Variants in ASCC3 observed in about 807,000 individuals in gnomAD.
ASCC3 encodes the protein activating signal cointegrator 1 complex subunit 3, also known as ASC-1 complex subunit P200.
In ASCC3, 158 loss-of-function variants were observed where a neutral mutation model predicts 256.3. The observed-to-expected ratio is 0.62, with a 90% CI of 0.54 to 0.70. ASCC3 has a LOEUF of 0.70. Ranked by LOEUF, ASCC3 falls within the 30% of genes least tolerant of loss-of-function variation. The pLI is 0.00. For synonymous variants in ASCC3, 948 were observed against 883.4 expected, an observed-to-expected ratio of 1.07 and a Z score of -1.30; for missense variants, 2,259 against 2,626.0, an observed-to-expected ratio of 0.86 and a Z score of 3.05.
At position 100,642,869 on chromosome 6, in the gene ASCC3, T is replaced by C; in HGVS notation, c.3733-120A>G. The C allele has an allele frequency of 3.0e-6, 3 of 991,654 alleles. No individual in the cohort carries two copies. The Admixed American group carries it at 6.8e-5, about 22-fold the overall frequency. 61.4% of individuals were successfully genotyped at this position (991,654 alleles called of 1,614,324 possible). A position where few individuals can be genotyped will look rare whatever the true frequency, so the allele number is the denominator to read the frequency against. ...ATACTAAAGACAAAGTATCTTGAATTTGTAAATAGCTGAGATATTCGGAAA... is the reference window on the plus strand; with the variant it reads ...ATACTAAAGACAAAGTATCTTGAATCTGTAAATAGCTGAGATATTCGGAAA... On this transcript the variant is annotated intron_variant, in intron 23 of 41. Transcript: ENST00000369162.
chr6:100,698,206 CAAGT>C (rs1332504427), intron 13 of ASCC3, among the ~76,000 whole-genome samples: 1 of 151,976 alleles, frequency 6.6e-6, no homozygotes, highest in Non-Finnish European at 1.5e-5. Context: ...TCACTTGTTA[CAAGT>C]ATGTATTAGT....
At chr6:100,824,630 C>A (rs1246420448) in intron 4 of ASCC3, among the ~76,000 whole-genome samples, 1 of 152,078 alleles carries the variant, frequency 6.6e-6, no homozygotes, top group Non-Finnish European at 1.5e-5. Context: ...TTGTTCATCG[C>A]TCTCCCCTGT....
At chr6:100,835,316 A>G (rs1254145939) in intron 4 of ASCC3, among the ~76,000 whole-genome samples, 2 of 151,952 alleles carry the variant, frequency 1.3e-5, no homozygotes, top group Admixed American at 1.3e-4. Flanking sequence ...TTTATTGCTT[A>G]TGATTTGGGG....
chr6:100,586,289 G>T (rs568242134), intron 36 of ASCC3, among the ~76,000 whole-genome samples: 1 of 152,162 alleles, frequency 6.6e-6, no homozygotes, highest in East Asian at 1.9e-4. Flanking sequence ...GGGCAATGGC[G>T]GGTGACCCTT....
At chr6:100,840,488 C>CTTTTT (rs67554743) in intron 4 of ASCC3, among the ~76,000 whole-genome samples, 10 of 109,240 alleles carry the variant, frequency 9.2e-5, no homozygotes, top group African/African-American at 3.6e-4. Flanking sequence ...CCACGCCAGG[C>CTTTTT]TTTTTTTTTT....
chr6:100,628,091 C>CA (rs80131727), intron 27 of ASCC3, 104 bp from the exon 28 acceptor site: 47,844 of 765,116 alleles, frequency 0.063, 24 homozygotes, highest in East Asian at 0.07. Flanking sequence ...AAAACAAAAA[C>CA]AAAAAAAAAA....
intron 36 of ASCC3, among the ~76,000 whole-genome samples, chr6:100,586,794 A>C (rs1166129026): frequency 6.6e-6 from 1 of 152,184 alleles, no homozygotes; most frequent in African/African-American, 2.4e-5. Flanking sequence ...TAATACCCCC[A>C]AATCCTGAAA....
At chr6:100,568,768 ATTATTAT>A (rs370927688) in intron 36 of ASCC3, among the ~76,000 whole-genome samples, 3,536 of 146,528 alleles carry the variant, frequency 0.024, 152 homozygotes, top group African/African-American at 0.083. Flanking sequence ...TATTATTATT[ATTATTAT>A]TATTATTATT....
At chr6:100,583,911 G>T (rs1351787546) in intron 36 of ASCC3, among the ~76,000 whole-genome samples, 4 of 152,072 alleles carry the variant, frequency 2.6e-5, no homozygotes, top group Admixed American at 6.6e-5. Context: ...GTGAGTTTCT[G>T]AATCCTGAGT....
chr6:100,554,212 T>C (rs1770573713), intron 36 of ASCC3, among the ~76,000 whole-genome samples: 1 of 152,194 alleles, frequency 6.6e-6, no homozygotes, highest in Non-Finnish European at 1.5e-5. Context: ...ACTGAAAGCA[T>C]GTGAACAAAT....
chr6:100,804,289 C>T (rs909299084), intron 5 of ASCC3, among the ~76,000 whole-genome samples: 1 of 152,044 alleles, frequency 6.6e-6, no homozygotes, highest in Non-Finnish European at 1.5e-5. Flanking sequence ...ACTAATGAAT[C>T]TATGTGAAGG....
At chr6:100,604,976 G>A (rs1480710832) in intron 33 of ASCC3, among the ~76,000 whole-genome samples, 1 of 152,052 alleles carries the variant, frequency 6.6e-6, no homozygotes, top group Non-Finnish European at 1.5e-5. Flanking sequence ...GAATACAAGA[G>A]AAGACTTTGA....
At position 100,679,699 on chromosome 6, in the gene ASCC3, T is replaced by C; in HGVS notation, c.2205A>G (p.Leu735=). 1 of 1,613,676 alleles carries C rather than the reference T, an allele frequency of 6.2e-7. No individual in the cohort carries two copies. Among genetic ancestry groups the C allele is most frequent in the South Asian group, 1.1e-5 (1 of 91,074 alleles). Residue 735 remains leucine, a synonymous_variant, in exon 14 of 42, where the codon CTA becomes CTG. Coordinates refer to ENST00000369162, the MANE Select transcript of ASCC3 (RefSeq NM_006828.4). ...RNATVRTAMS[L]IERAKNCGHI... is the part of the protein sequence containing the mutation. The stretch of plus-strand genomic sequence containing the variant: ...GGCCACAATTTTTTGCTCTTTCTAT[T>C]AGAGACATAGCTGTTCTTACAGTGG...
At chr6:100,550,397 T>C (rs535983167) in intron 36 of ASCC3, among the ~76,000 whole-genome samples, 189 of 152,066 alleles carry the variant, frequency 1.2e-3, no homozygotes, top group African/African-American at 4.4e-3. Flanking sequence ...ACACTCCCAT[T>C]TTCCCCTGAG....
chr6:100,511,036 GT>G (rs1375838700), intron 40 of ASCC3, among the ~76,000 whole-genome samples: 8 of 152,206 alleles, frequency 5.3e-5, no homozygotes, highest in Admixed American at 2.0e-4. Context: ...AAAAATCATA[GT>G]TTTCCCCCAT....
chr6:100,548,195 T>C (rs934948314), intron 36 of ASCC3, among the ~76,000 whole-genome samples: 2 of 151,908 alleles, frequency 1.3e-5, no homozygotes, highest in South Asian at 2.1e-4. Flanking sequence ...AAGACAACTT[T>C]TGATTTGCAC....
intron 14 of ASCC3, among the ~76,000 whole-genome samples, chr6:100,671,892 C>T (rs1207260699): frequency 6.6e-6 from 1 of 152,050 alleles, no homozygotes; most frequent in African/African-American, 2.4e-5. Context: ...GAGGGTATTA[C>T]ATCTGGTCCT....
At chr6:100,727,738 CAAAGATTA>C (rs1281740155) in intron 10 of ASCC3, among the ~76,000 whole-genome samples, 1 of 151,412 alleles carries the variant, frequency 6.6e-6, no homozygotes, top group Non-Finnish European at 1.5e-5. Flanking sequence ...TTATTAGAGA[CAAAGATTA>C]AAAATGACTA....
At chr6:100,665,659 G>A (rs936844005) in intron 14 of ASCC3, among the ~76,000 whole-genome samples, 38 of 151,356 alleles carry the variant, frequency 2.5e-4, no homozygotes, top group African/African-American at 9.2e-4. Flanking sequence ...AGAATCACTT[G>A]AACCCAGGAG....
Sources: allele counts gnomAD v4.1 joint callset (sites outside exome capture counted in the v4.1 genomes callset), GRCh38; gene constraint gnomAD v4.1.1; transcripts MANE v1.5; gene names NCBI Gene and HGNC (gene_info 2026-07-23, HGNC 2026-07-21).